The following GRID1 variants were observed in gnomAD, a reference collection of about 807,000 sequenced individuals.
GRID1 encodes glutamate ionotropic receptor delta type subunit 1, also known as glutamate receptor ionotropic, delta-1.
A neutral mutation model predicts 98.0 loss-of-function variants in GRID1; 28 were observed. That is an observed-to-expected ratio of 0.29 (90% CI 0.21 to 0.39). The LOEUF is 0.39. Among genes scored for constraint, GRID1 ranks in the 10% least tolerant of loss-of-function variants. The probability of loss-of-function intolerance (pLI) is 1.00; values close to 1 mark genes in which losing one functional copy is unlikely to be tolerated. For missense variants in GRID1, 1,111 were observed against 1,340.5 expected, an observed-to-expected ratio of 0.83 and a Z score of 2.67; for synonymous variants, 553 against 538.5, an observed-to-expected ratio of 1.03 and a Z score of -0.37.
rs77198311 is a variant in GRID1 at position 85,977,925 on chromosome 10, T to C, written c.727-61686A>G. On this transcript the variant is annotated intron_variant, in intron 4 of 15. Transcript: ENST00000327946. ...CTGGTCTATCTAGTGCCCTGAATGA[T>C]GGACATGATGGCAGCTGTGATCACA... 5.3e-3 allele frequency among the ~76,000 whole-genome samples: 811 copies of C among 152,238 alleles called. 7 individuals carry two copies. The highest frequency in any genetic ancestry group is 0.018 in the African/African-American group (760 of 41,556).
intron 4 of GRID1, among the ~76,000 whole-genome samples, chr10:86,069,584 C>A (rs1000421183): frequency 6.6e-6 from 1 of 152,044 alleles, no homozygotes; most frequent in Non-Finnish European, 1.5e-5. Context: ...GGAGGCGGAG[C>A]TGGCAGTGAG....
Position 85,986,689 on chromosome 10 carries a change from C to G in GRID1, c.727-70450G>C, listed in dbSNP as rs143422722. Among the ~76,000 whole-genome samples, 303 of 152,308 alleles carry G rather than the reference C, an allele frequency of 2.0e-3. 1 individual carries two copies. Among genetic ancestry groups the G allele is most frequent in the African/African-American group, 7.1e-3 (293 of 41,560 alleles). On this transcript the variant is annotated intron_variant, in intron 4 of 15. Transcript: ENST00000327946. ...GGCTTCCAAAATGTGCCCTGGCTGCCTGGTCAGCTCAGCCTGCATCTGCTC... is the reference window on the plus strand; with the variant it reads ...GGCTTCCAAAATGTGCCCTGGCTGCGTGGTCAGCTCAGCCTGCATCTGCTC...
At chr10:85,643,706 T>G (rs1050400395) in intron 13 of GRID1, among the ~76,000 whole-genome samples, 4 of 152,132 alleles carry the variant, frequency 2.6e-5, no homozygotes, top group African/African-American at 9.7e-5. Flanking sequence ...AACATTTGTC[T>G]AGTGCTGGCA....
chr10:85,718,260 C>T (rs76874152), intron 12 of GRID1, among the ~76,000 whole-genome samples: 6 of 151,410 alleles, frequency 4.0e-5, no homozygotes, highest in African/African-American at 1.2e-4. Context: ...ATGAGGGCCT[C>T]GCTTCTGAAG....
chr10:85,968,026 T>G (rs1210974631), intron 4 of GRID1, among the ~76,000 whole-genome samples: 1 of 152,228 alleles, frequency 6.6e-6, no homozygotes, highest in Non-Finnish European at 1.5e-5. Context: ...AGTCCTTTAG[T>G]CTCAAATGAA....
intron 4 of GRID1, among the ~76,000 whole-genome samples, chr10:86,013,635 C>T (rs1395720074): frequency 1.3e-5 from 2 of 152,166 alleles, no homozygotes; most frequent in Non-Finnish European, 2.9e-5. Flanking sequence ...AGCAATAAAC[C>T]TTCACTATCC....
At chr10:86,037,804 G>A (rs1016103785) in intron 4 of GRID1, among the ~76,000 whole-genome samples, 2 of 152,058 alleles carry the variant, frequency 1.3e-5, no homozygotes, top group African/African-American at 4.8e-5. Flanking sequence ...GTGGGCGTGG[G>A]AAGCCCTGAG....
intron 8 of GRID1, among the ~76,000 whole-genome samples, chr10:85,769,391 G>A (rs1564584602): frequency 6.6e-6 from 1 of 152,200 alleles, no homozygotes; most frequent in Non-Finnish European, 1.5e-5. Context: ...CTCCCAGCGT[G>A]AGCGACACAG....
intron 4 of GRID1, among the ~76,000 whole-genome samples, chr10:86,010,093 A>G (rs1312675587): frequency 6.6e-6 from 1 of 152,212 alleles, no homozygotes; most frequent in Non-Finnish European, 1.5e-5. Context: ...TTCTCTTCTC[A>G]GCTCAAACTC....
At chr10:85,715,423 C>A (rs1434338390) in intron 12 of GRID1, among the ~76,000 whole-genome samples, 1 of 152,112 alleles carries the variant, frequency 6.6e-6, no homozygotes, top group Non-Finnish European at 1.5e-5. Context: ...AGTAAACAAT[C>A]TACAAAGTGA....
intron 8 of GRID1, among the ~76,000 whole-genome samples, chr10:85,784,405 T>G (rs1171620530): frequency 6.6e-6 from 1 of 152,070 alleles, no homozygotes; most frequent in Admixed American, 6.5e-5. Context: ...CAGAGGACAA[T>G]GGGTCAAGGG....
chr10:86,262,501 C>A (rs1847031190), intron 2 of GRID1, among the ~76,000 whole-genome samples: 1 of 152,186 alleles, frequency 6.6e-6, no homozygotes, highest in South Asian at 2.1e-4. Flanking sequence ...CCCCACCACA[C>A]CATCTTGGGC....
intron 4 of GRID1, among the ~76,000 whole-genome samples, chr10:86,080,342 AAG>A (rs796325543): frequency 1.4e-5 from 2 of 146,558 alleles, no homozygotes; most frequent in Admixed American, 1.4e-4. Flanking sequence ...GAAAAAATAA[AAG>A]AGAGAGAGAG....
Position 86,313,804 on chromosome 10 carries a change from C to T in GRID1, c.235+50137G>A, listed in dbSNP as rs950268730. Among the ~76,000 whole-genome samples, 3 of 152,218 alleles carry T rather than the reference C, an allele frequency of 2.0e-5. No individual in the cohort carries two copies. In the East Asian group the frequency reaches 5.8e-4, roughly 29 times the overall value. On this transcript the variant is annotated intron_variant, in intron 2 of 15. Coordinates refer to ENST00000327946, the MANE Select transcript of GRID1 (RefSeq NM_017551.3). Reference sequence around the variant, plus strand: ...CACTCTTCCCACACATCCCCAGCCCCCAGACTGGCGCTCCTGGTGGCTGGC... The same window carrying T: ...CACTCTTCCCACACATCCCCAGCCCTCAGACTGGCGCTCCTGGTGGCTGGC...
chr10:86,246,509 G>C (rs1278266784), intron 2 of GRID1, among the ~76,000 whole-genome samples: 1 of 152,182 alleles, frequency 6.6e-6, no homozygotes, highest in Admixed American at 6.5e-5. Context: ...AGCTCACAGG[G>C]AAGAGGAGGA....
chr10:85,690,647 C>T (rs1016973346), intron 12 of GRID1, among the ~76,000 whole-genome samples: 6 of 152,128 alleles, frequency 3.9e-5, no homozygotes, highest in African/African-American at 9.7e-5. Flanking sequence ...ATCTGTTCTT[C>T]GGGAATTGGT....
At chr10:85,889,097 T>A (rs1278430791) in intron 5 of GRID1, among the ~76,000 whole-genome samples, 1 of 152,238 alleles carries the variant, frequency 6.6e-6, no homozygotes, top group Non-Finnish European at 1.5e-5. Flanking sequence ...GAATAACTGT[T>A]GGGACAAGTT....
At chr10:86,240,718 G>A (rs1031481916) in intron 2 of GRID1, among the ~76,000 whole-genome samples, 6 of 152,182 alleles carry the variant, frequency 3.9e-5, no homozygotes, top group East Asian at 1.9e-4. Context: ...GCAGCTGCAC[G>A]CAGTGGAGCA....
chr10:85,864,805 A>G (rs1843199539), intron 6 of GRID1, among the ~76,000 whole-genome samples: 1 of 152,194 alleles, frequency 6.6e-6, no homozygotes, highest in Non-Finnish European at 1.5e-5. Context: ...ATGCACAAAG[A>G]AGAGAAATTT....
Sources: gnomAD v4.1 joint callset for allele counts (sites outside exome capture counted in the v4.1 genomes callset) on GRCh38, gnomAD v4.1.1 for gene constraint, MANE v1.5 for transcripts, NCBI Gene and HGNC (gene_info 2026-07-23, HGNC 2026-07-21) for gene names.